The following ADAMTSL3 variants were observed in gnomAD, a reference collection of about 807,000 sequenced individuals.
ADAMTSL3 encodes ADAMTS like 3, also known as ADAMTS-like protein 3.
ADAMTSL3 carries 128 observed loss-of-function variants against 201.7 expected under a neutral mutation model. The observed-to-expected ratio is 0.63, with a 90% confidence interval of 0.55 to 0.73. The LOEUF (loss-of-function observed/expected upper bound fraction) is 0.73. ADAMTSL3 is among the 30% of genes least tolerant of loss of function. The pLI is 0.00. For synonymous variants in ADAMTSL3, 738 were observed against 748.4 expected, an observed-to-expected ratio of 0.99 and a Z score of 0.23; for missense variants, 1,990 against 2,119.6, an observed-to-expected ratio of 0.94 and a Z score of 1.20.
chr15:83,712,582 C>T (rs557032535), intron 3 of ADAMTSL3, among the ~76,000 whole-genome samples: 187 of 152,300 alleles, frequency 1.2e-3, no homozygotes, highest in African/African-American at 4.4e-3. Context: ...ATGACCTGAT[C>T]ATGACTTCCT....
At chr15:83,666,001 A>G (rs1182440995) in intron 2 of ADAMTSL3, among the ~76,000 whole-genome samples, 1 of 152,220 alleles carries the variant, frequency 6.6e-6, no homozygotes, top group African/African-American at 2.4e-5. Context: ...CATATTCATT[A>G]TAAAAATGTA....
At position 83,897,919 on chromosome 15, in the gene ADAMTSL3, G is replaced by C. The variant is rs780305023; in HGVS notation, c.1529G>C (p.Gly510Ala). 1 of 1,613,926 alleles carries C rather than the reference G, an allele frequency of 6.2e-7. No homozygotes were observed. The highest frequency in any genetic ancestry group is 8.5e-7 in the Non-Finnish European group (1 of 1,179,868). ...YRVVLCINHR[G>A]EHVGGCNPQL... Reference sequence around the variant, plus strand: ...GTTGTTCTGTGTATTAACCACCGCGGAGAGCATGTTGGGGGCTGCAATCCA... The same window carrying C: ...GTTGTTCTGTGTATTAACCACCGCGCAGAGCATGTTGGGGGCTGCAATCCA... Residue 510 changes from glycine (G) to alanine (A), a missense_variant, in exon 14 of 30, where the codon GGA becomes GCA. Gly to Ala is a moderately conservative substitution (Grantham distance 60, BLOSUM62 0). Coordinates refer to ENST00000286744, the MANE Select transcript of ADAMTSL3 (RefSeq NM_207517.3).
intron 8 of ADAMTSL3, among the ~76,000 whole-genome samples, chr15:83,863,761 G>A (rs942552618): frequency 1.3e-5 from 2 of 152,122 alleles, no homozygotes; most frequent in African/African-American, 2.4e-5. Flanking sequence ...AAATAACTAA[G>A]ATCAGAGCAG....
At chr15:83,838,268 T>C (rs2141978383) in intron 7 of ADAMTSL3, 53 bp downstream of exon 7, 2 of 1,552,922 alleles carry the variant, frequency 1.3e-6, no homozygotes, top group African/African-American at 1.4e-5. Flanking sequence ...TATTTTAGAC[T>C]GTCTATTGCT....
intron 17 of ADAMTSL3, among the ~76,000 whole-genome samples, chr15:83,933,724 A>G (rs1366215792): frequency 6.6e-6 from 1 of 152,212 alleles, no homozygotes; most frequent in Non-Finnish European, 1.5e-5. Context: ...GGATGGTTTC[A>G]TGCTCTAGTC....
At chr15:83,946,327 A>G (rs200010637) in intron 19 of ADAMTSL3, among the ~76,000 whole-genome samples, 3 of 152,304 alleles carry the variant, frequency 2.0e-5, no homozygotes, top group East Asian at 1.9e-4. Context: ...TTGCACATCT[A>G]TGTGGGCCCA....
chr15:83,779,817 C>T (rs1420513302), intron 4 of ADAMTSL3, among the ~76,000 whole-genome samples: 1 of 151,832 alleles, frequency 6.6e-6, no homozygotes, highest in Admixed American at 6.6e-5. Context: ...GAATAACTTG[C>T]TTCTGAATGA....
intron 17 of ADAMTSL3, among the ~76,000 whole-genome samples, chr15:83,933,250 G>T (rs1373316952): frequency 6.6e-6 from 1 of 152,206 alleles, no homozygotes; most frequent in Non-Finnish European, 1.5e-5. Flanking sequence ...GGTAGATACA[G>T]AGGAAATATT....
intron 9 of ADAMTSL3, among the ~76,000 whole-genome samples, chr15:83,871,956 C>T (rs1019568762): frequency 2.6e-5 from 4 of 152,128 alleles, no homozygotes; most frequent in African/African-American, 7.2e-5. Context: ...TAATTTGTCA[C>T]GGAATGTTTC....
chr15:84,004,568 A>T (rs1380547991), intron 23 of ADAMTSL3, among the ~76,000 whole-genome samples: 3 of 152,132 alleles, frequency 2.0e-5, no homozygotes, highest in African/African-American at 7.2e-5. Flanking sequence ...AGGAGTGAGT[A>T]AACAGGAGTA....
intron 3 of ADAMTSL3, among the ~76,000 whole-genome samples, chr15:83,761,667 T>TA (rs1377365225): frequency 2.0e-5 from 3 of 152,232 alleles, no homozygotes; most frequent in African/African-American, 7.2e-5. Flanking sequence ...GATGTTGTGT[T>TA]ATATATGCTT....
At chr15:83,753,269 C>T (rs765592267) in intron 3 of ADAMTSL3, among the ~76,000 whole-genome samples, 1 of 152,174 alleles carries the variant, frequency 6.6e-6, no homozygotes, top group Non-Finnish European at 1.5e-5. Flanking sequence ...GGATTTTGCT[C>T]TCAGCTTTTC....
intron 3 of ADAMTSL3, among the ~76,000 whole-genome samples, chr15:83,767,414 A>G (rs1013176260): frequency 6.6e-6 from 1 of 152,240 alleles, no homozygotes; most frequent in African/African-American, 2.4e-5. Flanking sequence ...ACAACTTACC[A>G]TATAAAATAA....
chr15:83,694,570 CTT>C (rs1425866644), intron 2 of ADAMTSL3, among the ~76,000 whole-genome samples: 1 of 152,126 alleles, frequency 6.6e-6, no homozygotes, highest in African/African-American at 2.4e-5. Flanking sequence ...AAAATGGACT[CTT>C]AAGTAAAATT....
intron 4 of ADAMTSL3, among the ~76,000 whole-genome samples, chr15:83,801,544 C>T (rs2063513451): frequency 6.7e-6 from 1 of 148,414 alleles, no homozygotes; most frequent in Non-Finnish European, 1.5e-5. Flanking sequence ...GCAAAATAAC[C>T]ACTACAGAAA....
rs2068517941 is a variant in ADAMTSL3 at position 84,036,861 on chromosome 15, A to C, written c.4843A>C (p.Arg1615=). The part of the protein sequence containing the change: ...PWKPCTAACG[R]GFQSRKVDCI... ...GAAGCCCTGTACAGCAGCCTGTGGC[A>C]GGGGTTTCCAGTCTCGGAAAGTCGA... The change falls in exon 29 of 30, where the codon AGG becomes CGG. Residue 1615 remains arginine (R), a synonymous_variant. Transcript: ENST00000286744. The C allele has an allele frequency of 6.2e-7, 1 of 1,613,966 alleles. No homozygotes were observed. Among genetic ancestry groups the C allele is most frequent in the Admixed American group, 1.7e-5 (1 of 59,992 alleles).
intron 23 of ADAMTSL3, among the ~76,000 whole-genome samples, chr15:84,006,778 G>C (rs2067902970): frequency 6.6e-6 from 1 of 152,210 alleles, no homozygotes; most frequent in Admixed American, 6.5e-5. Flanking sequence ...GAAGAAATCT[G>C]TCTGAATTTC....
chr15:83,943,134 T>G, intron 19 of ADAMTSL3, 52 bp downstream of exon 19: 1 of 1,536,884 alleles, frequency 6.5e-7, no homozygotes, highest in South Asian at 1.3e-5. Flanking sequence ...CCTCCTTTGT[T>G]TCAGCTTCTA....
chr15:83,816,133 G>A (rs2063766875), intron 5 of ADAMTSL3, among the ~76,000 whole-genome samples: 2 of 152,356 alleles, frequency 1.3e-5, no homozygotes, highest in South Asian at 2.1e-4. Context: ...CTATTTAAAT[G>A]CATAGTTTAC....
Sources: allele counts gnomAD v4.1 joint callset (sites outside exome capture counted in the v4.1 genomes callset), GRCh38; gene constraint gnomAD v4.1.1; transcripts MANE v1.5; gene names NCBI Gene and HGNC (gene_info 2026-07-23, HGNC 2026-07-21).